Variants in KLF12 observed in about 807,000 individuals in gnomAD.
The protein encoded by KLF12 is Krueppel-like factor 12.
Under a neutral mutation model 37.8 loss-of-function variants are expected in KLF12, and 9 were observed. The ratio of observed to expected loss-of-function variants is 0.24; its 90% CI spans 0.14 to 0.42. The LOEUF is 0.42. KLF12 is among the 10% of genes least tolerant of loss of function. KLF12 has a pLI of 1.00. For missense variants in KLF12, 411 were observed against 516.0 expected (o/e 0.80, Z 1.97); for synonymous variants, 208 against 202.1 (o/e 1.03, Z -0.25).
At chr13:74,280,575 A>G in the KLF12 span, among the ~76,000 whole-genome samples, 2 of 152,222 alleles carry the variant, frequency 1.3e-5, no homozygotes, top group Non-Finnish European at 2.9e-5. Context: ...CCCAATGGGG[A>G]AACCCATCTT....
intron 4 of KLF12, among the ~76,000 whole-genome samples, chr13:73,829,232 C>A (rs1884017338): frequency 6.6e-6 from 1 of 152,042 alleles, no homozygotes. Context: ...CTGCACAATT[C>A]CCGGGTAAAG....
chr13:74,126,178 C>T (rs1593921370), intron 1 of KLF12, among the ~76,000 whole-genome samples: 2 of 152,030 alleles, frequency 1.3e-5, no homozygotes, highest in Admixed American at 1.3e-4. Flanking sequence ...TTAAATGATA[C>T]AAATACATAT....
intron 4 of KLF12, among the ~76,000 whole-genome samples, chr13:73,839,611 T>A: frequency 6.6e-6 from 1 of 152,334 alleles, no homozygotes; most frequent in Middle Eastern, 3.4e-3. Context: ...ACTCAAATTT[T>A]ACTTTTATTT....
At chr13:73,777,473 C>T (rs1014965841) in intron 5 of KLF12, among the ~76,000 whole-genome samples, 2 of 152,096 alleles carry the variant, frequency 1.3e-5, no homozygotes, top group Non-Finnish European at 2.9e-5. Flanking sequence ...GTTTGGGAGG[C>T]TGAAGGAGGC....
chr13:73,821,592 C>T (rs1308100523), intron 4 of KLF12, among the ~76,000 whole-genome samples: 1 of 152,170 alleles, frequency 6.6e-6, no homozygotes, highest in Non-Finnish European at 1.5e-5. Flanking sequence ...TCCTATTGTA[C>T]AAATTGTCCC....
the KLF12 span, among the ~76,000 whole-genome samples, chr13:74,160,296 A>G: frequency 6.6e-6 from 1 of 152,216 alleles, no homozygotes; most frequent in Admixed American, 6.5e-5. Context: ...CCTCATTGAT[A>G]CACTAACGTT....
At chr13:73,859,826 C>T (rs1052458079) in intron 3 of KLF12, among the ~76,000 whole-genome samples, 10 of 151,578 alleles carry the variant, frequency 6.6e-5, no homozygotes, top group African/African-American at 2.4e-4. Flanking sequence ...AAAAAAAATC[C>T]GAAACCAAAA....
intron 1 of KLF12, among the ~76,000 whole-genome samples, chr13:74,117,740 T>C (rs1403946677): frequency 3.9e-5 from 6 of 152,192 alleles, no homozygotes; most frequent in Non-Finnish European, 8.8e-5. Flanking sequence ...CTATGTGATA[T>C]TGTTTTCCAA....
At chr13:73,752,326 C>T (rs1878819069) in intron 6 of KLF12, among the ~76,000 whole-genome samples, 1 of 152,120 alleles carries the variant, frequency 6.6e-6, no homozygotes. Context: ...TTTTTACAGC[C>T]TTTAGTTAAT....
chr13:74,217,182 G>A, the KLF12 span, among the ~76,000 whole-genome samples: 1 of 151,910 alleles, frequency 6.6e-6, no homozygotes, highest in Non-Finnish European at 1.5e-5. Flanking sequence ...TTGAAGTAAA[G>A]AAAAGGGTGG....
At chr13:74,085,872 G>A (rs76461050) in intron 1 of KLF12, among the ~76,000 whole-genome samples, 3,470 of 152,124 alleles carry the variant, frequency 0.023, 128 homozygotes, top group African/African-American at 0.074. Flanking sequence ...TATCTGCACT[G>A]GAATAGAGAT....
intron 1 of KLF12, among the ~76,000 whole-genome samples, chr13:74,052,516 A>C (rs1049730340): frequency 4.6e-5 from 7 of 152,108 alleles, no homozygotes; most frequent in Admixed American, 3.3e-4. Flanking sequence ...TAAAGCTGAG[A>C]ATCAAGTTAC....
chr13:73,834,345 C>T (rs1365553598), intron 4 of KLF12, among the ~76,000 whole-genome samples: 1 of 152,194 alleles, frequency 6.6e-6, no homozygotes, highest in Non-Finnish European at 1.5e-5. Context: ...CATGCTCCTA[C>T]TGAACTCCTA....
intron 2 of KLF12, among the ~76,000 whole-genome samples, chr13:73,971,215 C>G (rs983474969): frequency 6.6e-6 from 1 of 152,170 alleles, no homozygotes; most frequent in Non-Finnish European, 1.5e-5. Context: ...TTAAACTCTT[C>G]TTGCCAGAGA....
chr13:73,895,564 T>C (rs1001943781), intron 3 of KLF12, among the ~76,000 whole-genome samples: 1 of 152,130 alleles, frequency 6.6e-6, no homozygotes, highest in Non-Finnish European at 1.5e-5. Context: ...GTTAGTAATG[T>C]TGACATTGAA....
intron 1 of KLF12, among the ~76,000 whole-genome samples, chr13:74,041,266 A>G (rs1249832818): frequency 2.0e-5 from 3 of 152,116 alleles, no homozygotes; most frequent in Admixed American, 6.6e-5. Context: ...AATCCCCACA[A>G]TATTTTGCAC....
At chr13:74,015,747 G>A (rs542500102) in intron 1 of KLF12, among the ~76,000 whole-genome samples, 77 of 152,214 alleles carry the variant, frequency 5.1e-4, no homozygotes, top group Non-Finnish European at 9.7e-4. Context: ...TCTAGGTTCT[G>A]ACTCCCTTTC....
At chr13:74,129,942 G>T (rs887318673) in intron 1 of KLF12, among the ~76,000 whole-genome samples, 8 of 152,194 alleles carry the variant, frequency 5.3e-5, no homozygotes, top group African/African-American at 1.9e-4. Flanking sequence ...ACATCAGATG[G>T]GGTGTGGCCG....
chr13:73,934,636 C>A (rs952366699), intron 3 of KLF12, among the ~76,000 whole-genome samples: 33 of 152,048 alleles, frequency 2.2e-4, no homozygotes, highest in African/African-American at 7.2e-4. Context: ...TGCCCCCTGG[C>A]TGCTTTTAAG....
Sources: allele counts gnomAD v4.1 joint callset (sites outside exome capture counted in the v4.1 genomes callset), GRCh38; gene constraint gnomAD v4.1.1; transcripts MANE v1.5; gene names NCBI Gene and HGNC (gene_info 2026-07-23, HGNC 2026-07-21).